The following PRRX1 variants were observed in gnomAD, a reference collection of about 807,000 sequenced individuals.
PRRX1 encodes the protein paired mesoderm homeobox protein 1.
A neutral mutation model predicts 24.0 loss-of-function variants in PRRX1; 8 were observed. The observed-to-expected ratio is 0.33, with a 90% confidence interval of 0.20 to 0.60. PRRX1 has a LOEUF of 0.60. Ranked by LOEUF, PRRX1 falls within the 20% of genes least tolerant of loss-of-function variation. The pLI, the probability that PRRX1 is intolerant of heterozygous loss-of-function variation, is 0.82. For missense variants in PRRX1, 281 were observed against 322.4 expected, an observed-to-expected ratio of 0.87 and a Z score of 0.98; for synonymous variants, 160 against 131.7, an observed-to-expected ratio of 1.22 and a Z score of -1.47.
intron 1 of PRRX1, among the ~76,000 whole-genome samples, chr1:170,696,268 G>A (rs909751450): frequency 3.3e-5 from 5 of 152,012 alleles, no homozygotes; most frequent in South Asian, 2.1e-4. Flanking sequence ...TGATAAATAC[G>A]TCATTAACCA....
intron 1 of PRRX1, among the ~76,000 whole-genome samples, chr1:170,694,913 C>T (rs1654116218): frequency 6.6e-6 from 1 of 152,110 alleles, no homozygotes; most frequent in Non-Finnish European, 1.5e-5. Flanking sequence ...AGGCTAAAGG[C>T]ATCAATGCTT....
intron 1 of PRRX1, among the ~76,000 whole-genome samples, chr1:170,702,596 G>C (rs1270279478): frequency 6.6e-6 from 1 of 152,172 alleles, no homozygotes; most frequent in Non-Finnish European, 1.5e-5. Flanking sequence ...TAGAGTGAGG[G>C]TAACTAGTTC....
chr1:170,674,458 C>T (rs190975200), intron 1 of PRRX1, among the ~76,000 whole-genome samples: 13 of 152,316 alleles, frequency 8.5e-5, no homozygotes, highest in East Asian at 3.9e-4. Context: ...CACCTCCTTG[C>T]GAAACCTTCT....
chr1:170,711,046 C>T (rs139170960), intron 1 of PRRX1, among the ~76,000 whole-genome samples: 19 of 152,240 alleles, frequency 1.2e-4, no homozygotes, highest in African/African-American at 3.1e-4. Flanking sequence ...ATTTACACTT[C>T]GACTTTTCTT....
intron 1 of PRRX1, among the ~76,000 whole-genome samples, chr1:170,696,152 G>A (rs1222305549): frequency 6.6e-6 from 1 of 152,130 alleles, no homozygotes; most frequent in African/African-American, 2.4e-5. Flanking sequence ...AGGAGAGAGT[G>A]ACACATGAAA....
chr1:170,680,280 T>C (rs1558046057), intron 1 of PRRX1, among the ~76,000 whole-genome samples: 1 of 152,186 alleles, frequency 6.6e-6, no homozygotes, highest in South Asian at 2.1e-4. Flanking sequence ...TAAAAGGAAC[T>C]ACATTTAGAA....
rs1655707571 is a variant in PRRX1 at position 170,738,870 on chromosome 1, G to A, written c.*2684G>A. On this transcript the variant is annotated 3_prime_UTR_variant, in exon 4 of 4. Transcript: ENST00000239461. Reference sequence around the variant, plus strand: ...CCAATGTCTCAAGCAAGCAATGTCTGGGAATATCATAGAGTAACAAGTGCT... The same window carrying A: ...CCAATGTCTCAAGCAAGCAATGTCTAGGAATATCATAGAGTAACAAGTGCT... The A allele has an allele frequency of 2.6e-5, 6 of 229,712 alleles. No homozygotes were observed. The East Asian group carries it at 3.7e-4, about 14-fold the overall frequency. 14.2% of individuals were successfully genotyped at this position (229,712 alleles called of 1,614,324 possible). A position where few individuals can be genotyped will look rare whatever the true frequency, so the allele number is the denominator to read the frequency against.
chr1:170,665,917 T>G (rs1463849671), intron 1 of PRRX1, among the ~76,000 whole-genome samples: 1 of 152,214 alleles, frequency 6.6e-6, no homozygotes, highest in Non-Finnish European at 1.5e-5. Context: ...GGTGGCCAAC[T>G]CTGAGGAATG....
chr1:170,715,079 G>A (rs1279233484), intron 1 of PRRX1, among the ~76,000 whole-genome samples: 2 of 152,076 alleles, frequency 1.3e-5, no homozygotes, highest in Non-Finnish European at 2.9e-5. Context: ...CATTTGCAGA[G>A]GAATCAGACC....
At chr1:170,735,526 C>G (rs1321564130) in intron 3 of PRRX1, among the ~76,000 whole-genome samples, 2 of 152,122 alleles carry the variant, frequency 1.3e-5, no homozygotes, top group Non-Finnish European at 2.9e-5. Flanking sequence ...GGTTGTTTAA[C>G]TGGTTCTCCA....
chr1:170,720,339 T>C (rs1024673879), intron 2 of PRRX1, among the ~76,000 whole-genome samples: 3 of 152,096 alleles, frequency 2.0e-5, no homozygotes, highest in Admixed American at 6.5e-5. Flanking sequence ...AGATGGGAGC[T>C]GGTACTTATA....
chr1:170,738,442 T>G lies in PRRX1; in HGVS notation c.*2256T>G. 8.8e-6 allele frequency: 2 copies of G among 227,880 alleles called. No homozygotes were observed. Among genetic ancestry groups the G allele is most frequent in the Non-Finnish European group, 1.7e-5 (2 of 114,734 alleles). 14.1% of individuals were successfully genotyped at this position (227,880 alleles called of 1,614,324 possible). A position where few individuals can be genotyped will look rare whatever the true frequency, so the allele number is the denominator to read the frequency against. Reference sequence around the variant, plus strand: ...TTTAGCCCACTATTAAAACATTTCTTACTGAATGGTTCATGTAGGCTTGCT... The same window carrying G: ...TTTAGCCCACTATTAAAACATTTCTGACTGAATGGTTCATGTAGGCTTGCT... On this transcript the variant is annotated 3_prime_UTR_variant, in exon 4 of 4. Coordinates refer to ENST00000239461, the MANE Select transcript of PRRX1 (RefSeq NM_022716.4).
At chr1:170,691,534 TCTTC>T (rs1364302412) in intron 1 of PRRX1, among the ~76,000 whole-genome samples, 3 of 141,730 alleles carry the variant, frequency 2.1e-5, no homozygotes, top group East Asian at 2.3e-4. Flanking sequence ...TCCCTCCCTC[TCTTC>T]CTTCCTTCCT....
At chr1:170,691,942 T>C (rs1041021542) in intron 1 of PRRX1, among the ~76,000 whole-genome samples, 1 of 152,102 alleles carries the variant, frequency 6.6e-6, no homozygotes, top group African/African-American at 2.4e-5. Context: ...AGCACATTTA[T>C]TCAAGAAATA....
intron 1 of PRRX1, chr1:170,669,562 T>A (rs1251460394): frequency 6.7e-6 from 1 of 149,376 alleles, no homozygotes; most frequent in African/African-American, 2.5e-5. Context: ...ACCACGACAA[T>A]CCCTAGACCA....
chr1:170,736,279 A>T lies in PRRX1; in HGVS notation c.*93A>T, dbSNP rs6663373. The T allele has an allele frequency of 3.9e-3, 5,916 of 1,512,774 alleles. 186 individuals carry two copies. The African/African-American group carries it at 0.071, about 18-fold the overall frequency. The allele number at this position is 1,512,774 out of a possible 1,614,324, so 93.7% of individuals were successfully genotyped here. A position where few individuals can be genotyped will look rare whatever the true frequency, so the allele number is the denominator to read the frequency against. ...ATTTCTTCATCTGCTGGGGGGAAAA[A>T]GTAAATTACAAACAAACAAACAAAG... On this transcript the variant is annotated 3_prime_UTR_variant, in exon 4 of 4. Coordinates refer to ENST00000239461, the MANE Select transcript of PRRX1 (RefSeq NM_022716.4).
At chr1:170,690,211 T>C (rs939394012) in intron 1 of PRRX1, among the ~76,000 whole-genome samples, 2 of 151,942 alleles carry the variant, frequency 1.3e-5, no homozygotes, top group African/African-American at 4.8e-5. Flanking sequence ...AGATAAGGTC[T>C]GGTCCGTGCC....
Position 170,736,494 on chromosome 1 carries a change from A to C in PRRX1, c.*308A>C, listed in dbSNP as rs1571354616. ...TTCTTCAGCTAGGTTCAGCCCACCCACCCCCATGATTGTATGAAGTTTTAA... is the reference window on the plus strand; with the variant it reads ...TTCTTCAGCTAGGTTCAGCCCACCCCCCCCCATGATTGTATGAAGTTTTAA... On this transcript the variant is annotated 3_prime_UTR_variant, in exon 4 of 4. Transcript: ENST00000239461. The C allele has an allele frequency of 5.1e-6, 2 of 394,854 alleles. No individual in the cohort carries two copies. The highest frequency in any genetic ancestry group is 5.3e-5 in the South Asian group (2 of 37,496). The allele number at this position is 394,854 out of a possible 1,614,324, so 24.5% of individuals were successfully genotyped here. A position where few individuals can be genotyped will look rare whatever the true frequency, so the allele number is the denominator to read the frequency against.
In PRRX1 at chr1:170,666,075, G is replaced by T. The variant is rs79908606; in HGVS notation, c.241+1616G>T. 9.1e-3 allele frequency among the ~76,000 whole-genome samples: 1,387 copies of T among 152,290 alleles called. 19 individuals carry two copies. The highest frequency in any genetic ancestry group is 0.032 in the African/African-American group (1,327 of 41,552). On this transcript the variant is annotated intron_variant, in intron 1 of 3. Coordinates refer to ENST00000239461, the MANE Select transcript of PRRX1 (RefSeq NM_022716.4). ...TCTTAGTTCTAACAAAATGCACTGA[G>T]AAATACTATGATTGTTTTTAAACGT...
Sources: gnomAD v4.1 joint callset for allele counts (sites outside exome capture counted in the v4.1 genomes callset) on GRCh38, gnomAD v4.1.1 for gene constraint, MANE v1.5 for transcripts, NCBI Gene and HGNC (gene_info 2026-07-23, HGNC 2026-07-21) for gene names.